MYRIP: variants seen among roughly 807,000 people sequenced by gnomAD.
MYRIP encodes the protein myosin VIIA and Rab interacting protein.
In MYRIP, 49 loss-of-function variants were observed where a neutral mutation model predicts 98.0. The ratio of observed to expected loss-of-function variants is 0.50; its 90% CI spans 0.40 to 0.63. MYRIP has a LOEUF of 0.63. MYRIP is among the 30% of genes least tolerant of loss of function. The pLI is 0.00. For synonymous variants in MYRIP, 404 were observed against 409.5 expected (o/e 0.99, Z 0.16); for missense variants, 1,004 against 1,058.2 (o/e 0.95, Z 0.71).
chr3:40,246,617 T>TATCA (rs1953215292), intron 13 of MYRIP, among the ~76,000 whole-genome samples: 1 of 152,004 alleles, frequency 6.6e-6, no homozygotes, highest in Non-Finnish European at 1.5e-5. Flanking sequence ...TATCTGTAGC[T>TATCA]ATCAGTTTAG....
At chr3:40,084,025 T>C (rs1041290714) in intron 3 of MYRIP, among the ~76,000 whole-genome samples, 2 of 149,804 alleles carry the variant, frequency 1.3e-5, no homozygotes, top group African/African-American at 4.9e-5. Context: ...TAGTCCCAGC[T>C]ACTCAGGAGG....
At position 40,190,131 on chromosome 3, in the gene MYRIP, T is replaced by C. The variant is rs1951161351; in HGVS notation, c.1333T>C (p.Ser445Pro). Residue 445 changes from serine (S) to proline (P), a missense_variant, in exon 10 of 17, where the codon TCC (serine) becomes CCC (proline). Coordinates refer to ENST00000302541, the MANE Select transcript of MYRIP (RefSeq NM_015460.4). The stretch of plus-strand genomic sequence containing the variant: ...AGCTGCCTCCCCATCCTCTGCACTC[T>C]CCCCCAACCCTGAGGCCATGTGCTC... Reference protein sequence around the residue: ...PIAASPSSALSPNPEAMCSDS... With the variant: ...PIAASPSSALPPNPEAMCSDS... The C allele has an allele frequency of 6.2e-7, 1 of 1,613,740 alleles. No homozygotes were observed. The highest frequency in any genetic ancestry group is 8.5e-7 in the Non-Finnish European group (1 of 1,179,922).
chr3:39,858,705 A>G (rs1056300317), intron 1 of MYRIP, among the ~76,000 whole-genome samples: 1 of 152,136 alleles, frequency 6.6e-6, no homozygotes, highest in Admixed American at 6.5e-5. Context: ...TCTGACCACA[A>G]TGGTATGAAA....
rs1436396032 is a variant in MYRIP at position 39,928,105 on chromosome 3, A to C, written c.110+27179A>C. Among the ~76,000 whole-genome samples the C allele has an allele frequency of 3.3e-5, 5 of 151,998 alleles. 1 individual carries two copies. The highest frequency in any genetic ancestry group is 1.2e-4 in the African/African-American group (5 of 41,438). ...AACTTAGAGAATTTCAGTTTTTTGA[A>C]AGTATAAGTTACTATAACTCACTCA... On this transcript the variant is annotated intron_variant, in intron 2 of 16. Transcript: ENST00000302541.
chr3:40,258,114 T>C lies in MYRIP; in HGVS notation c.2548-20T>C, dbSNP rs193277600. The stretch of plus-strand genomic sequence containing the variant: ...TCTTCCCAAGTGGCTGATGGGAGTG[T>C]GTTCAATGTCTCACCTCAGGAGCCT... On this transcript the variant is annotated intron_variant, in intron 16 of 16. Transcript: ENST00000302541. 6.2e-7 allele frequency: 1 copy of C among 1,614,138 alleles called. No individual in the cohort carries two copies. Among genetic ancestry groups the C allele is most frequent in the African/African-American group, 1.3e-5 (1 of 75,066 alleles).
At chr3:39,895,522 TA>T (rs775288159) in intron 1 of MYRIP, among the ~76,000 whole-genome samples, 9 of 116,072 alleles carry the variant, frequency 7.8e-5, no homozygotes, top group African/African-American at 1.2e-4. Flanking sequence ...TCCATATATA[TA>T]TTTTTTTTTC....
intron 2 of MYRIP, among the ~76,000 whole-genome samples, chr3:40,015,123 G>A (rs1344237717): frequency 1.3e-5 from 2 of 152,200 alleles, no homozygotes; most frequent in East Asian, 3.8e-4. Context: ...TTAAGCACAA[G>A]TTAAGAAGAT....
intron 3 of MYRIP, among the ~76,000 whole-genome samples, chr3:40,093,753 G>C (rs1948772556): frequency 6.6e-6 from 1 of 152,178 alleles, no homozygotes; most frequent in Admixed American, 6.5e-5. Context: ...TCTGTTCTCA[G>C]ACTAGCTACA....
chr3:40,037,899 C>T (rs1292167742), intron 2 of MYRIP, among the ~76,000 whole-genome samples: 1 of 152,086 alleles, frequency 6.6e-6, no homozygotes, highest in Non-Finnish European at 1.5e-5. Context: ...CAGATGCTCC[C>T]ATGACTTGTG....
rs151105209 is a variant in MYRIP at position 39,866,857 on chromosome 3, C to T, written c.-30-33930C>T. On this transcript the variant is annotated intron_variant, in intron 1 of 16. Transcript: ENST00000302541. ...AACATTTATATAGAGCCACAAAAACCTCCAAGTAGCCAAGGCAATTTTGAA... is the reference window on the plus strand; with the variant it reads ...AACATTTATATAGAGCCACAAAAACTTCCAAGTAGCCAAGGCAATTTTGAA... 1.8e-4 allele frequency among the ~76,000 whole-genome samples: 27 copies of T among 152,110 alleles called. No homozygotes were observed. The East Asian group carries it at 4.8e-3, about 27-fold the overall frequency.
chr3:40,157,585 T>G (rs1464502662), intron 4 of MYRIP, among the ~76,000 whole-genome samples: 3 of 145,658 alleles, frequency 2.1e-5, no homozygotes, highest in Non-Finnish European at 4.5e-5. Context: ...AGTTCCTCCT[T>G]GTACCTCTGG....
At chr3:40,121,127 G>A (rs1949395604) in intron 3 of MYRIP, among the ~76,000 whole-genome samples, 1 of 152,166 alleles carries the variant, frequency 6.6e-6, no homozygotes, top group Non-Finnish European at 1.5e-5. Flanking sequence ...GATAGAGACA[G>A]CTAGGCGGGT....
chr3:40,000,143 T>A (rs998643883), intron 2 of MYRIP, among the ~76,000 whole-genome samples: 9 of 152,098 alleles, frequency 5.9e-5, no homozygotes, highest in African/African-American at 2.2e-4. Flanking sequence ...AACCTGCACG[T>A]TGTGCACATG....
At chr3:40,224,118 C>G (rs1038622622) in intron 11 of MYRIP, among the ~76,000 whole-genome samples, 11 of 152,018 alleles carry the variant, frequency 7.2e-5, no homozygotes, top group African/African-American at 2.4e-4. Flanking sequence ...GAGGTGAGGG[C>G]AGGGGCTAGA....
rs1266344124 is a variant in MYRIP at position 40,260,086 on chromosome 3, A to ATGT, written c.*1922_*1924dup. 1.3e-5 allele frequency: 2 copies of ATGT among 152,656 alleles called. No individual in the cohort carries two copies. The highest frequency in any genetic ancestry group is 4.8e-5 in the African/African-American group (2 of 41,454). 9.5% of individuals were successfully genotyped at this position (152,656 alleles called of 1,614,324 possible). A position where few individuals can be genotyped will look rare whatever the true frequency, so the allele number is the denominator to read the frequency against. Reference sequence around the variant, plus strand: ...ATTTACTATTAAAAACCATAAGCATATGTTATAGTTCCAGAAGAATTATTT... The same window carrying ATGT: ...ATTTACTATTAAAAACCATAAGCATATGTTGTTATAGTTCCAGAAGAATTATTT... On this transcript the variant is annotated 3_prime_UTR_variant, in exon 17 of 17. Coordinates refer to ENST00000302541, the MANE Select transcript of MYRIP (RefSeq NM_015460.4).
rs572822445 is a variant in MYRIP, at chr3:40,096,568, C to A, written c.332+52297C>A. On this transcript the variant is annotated intron_variant, in intron 3 of 16. Transcript: ENST00000302541. ...AAGTAAAAGATCACTTTTAATGGGT[C>A]TGTTTCAGCTCTGGATACAGGAATG... Among the ~76,000 whole-genome samples, 89 of 152,320 alleles carry A rather than the reference C, an allele frequency of 5.8e-4. 1 individual carries two copies. The highest frequency in any genetic ancestry group is 2.1e-3 in the African/African-American group (86 of 41,572).
intron 12 of MYRIP, among the ~76,000 whole-genome samples, 184 bp downstream of exon 12, chr3:40,234,237 G>T (rs1952755677): frequency 6.6e-6 from 1 of 152,220 alleles, no homozygotes; most frequent in African/African-American, 2.4e-5. Flanking sequence ...CCTAGATGAG[G>T]ATTTGTGTGC....
intron 1 of MYRIP, among the ~76,000 whole-genome samples, chr3:39,835,601 T>A (rs1201879946): frequency 6.6e-6 from 1 of 152,218 alleles, no homozygotes; most frequent in Non-Finnish European, 1.5e-5. Context: ...TAAGTAAGTT[T>A]TTTTTATTAT....
intron 2 of MYRIP, among the ~76,000 whole-genome samples, chr3:39,925,625 T>C (rs1346460184): frequency 2.0e-5 from 3 of 152,146 alleles, no homozygotes; most frequent in Non-Finnish European, 2.9e-5. Context: ...GATGATGCCC[T>C]CTAGCTGTAT....
Sources: gnomAD v4.1 joint callset for allele counts (sites outside exome capture counted in the v4.1 genomes callset) on GRCh38, gnomAD v4.1.1 for gene constraint, MANE v1.5 for transcripts, NCBI Gene and HGNC (gene_info 2026-07-23, HGNC 2026-07-21) for gene names.